The following WDR17 variants were observed in gnomAD, a reference collection of about 807,000 sequenced individuals.
WDR17 encodes WD repeat-containing protein 17.
Under a neutral mutation model 161.7 loss-of-function variants are expected in WDR17, and 143 were observed. The observed-to-expected ratio is 0.88, with a 90% CI of 0.77 to 1.02. WDR17 has a LOEUF of 1.02. WDR17 is among the 50% of genes least tolerant of loss of function. WDR17 has a pLI of 0.00. For missense variants in WDR17, 1,469 were observed against 1,520.9 expected (o/e 0.97, Z 0.57); for synonymous variants, 517 against 515.6 (o/e 1.00, Z -0.04).
At chr4:176,133,755 T>G (rs941636265) in intron 7 of WDR17, among the ~76,000 whole-genome samples, 2 of 151,568 alleles carry the variant, frequency 1.3e-5, no homozygotes, top group Non-Finnish European at 3.0e-5. Context: ...AAAATATTAT[T>G]AATATTTTTT....
rs140294997 is a variant in WDR17 at position 176,177,525 on chromosome 4, T to C, written c.3603T>C (p.Tyr1201=). The C allele has an allele frequency of 1.3e-6, 2 of 1,593,812 alleles. No homozygotes were observed. The highest frequency in any genetic ancestry group is 2.7e-5 in the African/African-American group (2 of 73,372). ...CTTCTGATTCACAAAGAATGATTTA[T>C]GCAACTTTATTAAAGAGACTAAAAG... is the stretch of plus-strand genomic sequence containing the variant. ...TPPSDSQRMI[Y]ATLLKRLKEE... The change falls in exon 28 of 29, where the codon TAT becomes TAC. Residue 1201 remains tyrosine, a synonymous_variant. Transcript: ENST00000508596.
At chr4:176,130,553 G>A (rs540504077) in intron 6 of WDR17, among the ~76,000 whole-genome samples, 11 of 151,956 alleles carry the variant, frequency 7.2e-5, no homozygotes, top group African/African-American at 1.7e-4. Context: ...GACCATCCTG[G>A]CTAACACAGT....
At chr4:176,165,248 A>G (rs1327654698) in intron 22 of WDR17, among the ~76,000 whole-genome samples, 3 of 152,130 alleles carry the variant, frequency 2.0e-5, no homozygotes, top group Non-Finnish European at 4.4e-5. Context: ...AGGCACCTGT[A>G]ATACCATCTA....
rs59567138 is a variant in WDR17 at position 176,135,189 on chromosome 4, A to T, written c.1180A>T (p.Ile394Leu). The T allele has an allele frequency of 6.2e-7, 1 of 1,612,424 alleles. No homozygotes were observed. Among genetic ancestry groups the T allele is most frequent in the East Asian group, 2.2e-5 (1 of 44,792 alleles). ...LLATASFDGT[I>L]KVWDINTLTA... ...AGCAACAGCTTCATTTGATGGCACT[A>T]TAAAAGTCTGGGATATAAACACATT... Residue 394 changes from isoleucine to leucine, a missense_variant, in exon 8 of 29, where the codon ATA becomes TTA. Coordinates refer to ENST00000508596, the MANE Select transcript of WDR17 (RefSeq NM_181265.4).
At chr4:176,086,517 A>G (rs1735438390) in intron 1 of WDR17, among the ~76,000 whole-genome samples, 1 of 151,898 alleles carries the variant, frequency 6.6e-6, no homozygotes, top group South Asian at 2.1e-4. Flanking sequence ...TATACATTTC[A>G]GTCTCATTGT....
intron 28 of WDR17, 65 bp from the exon 29 acceptor site, chr4:176,179,395 A>G: frequency 2.2e-6 from 3 of 1,358,528 alleles, no homozygotes; most frequent in South Asian, 4.4e-5. Context: ...TCTCTTTCTG[A>G]AAGTTTAAAA....
chr4:176,142,161 C>A lies in WDR17; in HGVS notation c.1529+92C>A, dbSNP rs1004317829. 1.4e-5 allele frequency: 14 copies of A among 981,914 alleles called. No individual in the cohort carries two copies. The Admixed American group carries it at 2.8e-4, about 20-fold the overall frequency. The allele number at this position is 981,914 out of a possible 1,614,324, so 60.8% of individuals were successfully genotyped here. Reference sequence around the variant, plus strand: ...TTAGTGCTATTTCCAAAGGTAATATCTATCACTCTATTTATACAATATCCC... The same window carrying A: ...TTAGTGCTATTTCCAAAGGTAATATATATCACTCTATTTATACAATATCCC... On this transcript the variant is annotated intron_variant, in intron 11 of 28. Coordinates refer to ENST00000508596, the MANE Select transcript of WDR17 (RefSeq NM_181265.4).
intron 3 of WDR17, among the ~76,000 whole-genome samples, chr4:176,119,100 C>G (rs78954903): frequency 0.016 from 2,421 of 152,192 alleles, 62 homozygotes; most frequent in African/African-American, 0.054. Context: ...TGCAATCTCT[C>G]TCTCATAAAT....
intron 13 of WDR17, among the ~76,000 whole-genome samples, chr4:176,148,777 A>G (rs1579190942): frequency 6.6e-6 from 1 of 152,296 alleles, no homozygotes; most frequent in East Asian, 1.9e-4. Flanking sequence ...GTTTAGTACA[A>G]TGTTTTGTTT....
At chr4:176,170,279 CTAACATTGTTGTCAAATCAAT>C (rs1750515686) in intron 23 of WDR17, among the ~76,000 whole-genome samples, 1 of 150,412 alleles carries the variant, frequency 6.6e-6, no homozygotes, top group South Asian at 2.1e-4. Flanking sequence ...ATAAACTTTA[CTAACATTGTTGTCAAATCAAT>C]TATTTTTTCT....
chr4:176,176,772 T>C (rs1349146764), intron 26 of WDR17, among the ~76,000 whole-genome samples: 1 of 151,722 alleles, frequency 6.6e-6, no homozygotes, highest in Admixed American at 6.6e-5. Context: ...ACTTAACTTG[T>C]CCAACCATTC....
chr4:176,175,223 C>G (rs1751267334), intron 26 of WDR17, among the ~76,000 whole-genome samples: 1 of 152,200 alleles, frequency 6.6e-6, no homozygotes, highest in South Asian at 2.1e-4. Flanking sequence ...ATGCCCACAT[C>G]TCACTAAAAG....
chr4:176,089,520 CTGCTT>C (rs776942094), intron 1 of WDR17, among the ~76,000 whole-genome samples: 138 of 152,100 alleles, frequency 9.1e-4, no homozygotes, highest in Non-Finnish European at 2.9e-4. Context: ...CAGCCAGTCT[CTGCTT>C]TGCATGTATG....
chr4:176,156,048 A>G (rs761425240), intron 17 of WDR17, 31 bp from the exon 18 acceptor site: 1 of 1,609,044 alleles, frequency 6.2e-7, no homozygotes, highest in Admixed American at 1.7e-5. Context: ...CAAAATTAAT[A>G]TGCTCCTGCC....
intron 6 of WDR17, among the ~76,000 whole-genome samples, chr4:176,130,775 T>A (rs1743314789): frequency 6.6e-6 from 1 of 151,940 alleles, no homozygotes; most frequent in Admixed American, 6.6e-5. Flanking sequence ...TGAGAAATAT[T>A]TTCCATATTC....
In WDR17 at chr4:176,145,890, G is replaced by A. The variant is rs1746078140; in HGVS notation, c.1530-105G>A. 3.7e-6 allele frequency: 4 copies of A among 1,074,964 alleles called. No individual in the cohort carries two copies. The South Asian group carries it at 8.9e-5, about 24-fold the overall frequency. 66.6% of individuals were successfully genotyped at this position (1,074,964 alleles called of 1,614,324 possible). ...TAAGTTTTTAGTCTAACTTCACTAA[G>A]GAAGCAAAAATTCTACTTTTAGAAA... On this transcript the variant is annotated intron_variant, in intron 11 of 28. Transcript: ENST00000508596.
chr4:176,155,780 C>T (rs995304102), intron 17 of WDR17, among the ~76,000 whole-genome samples: 3 of 148,424 alleles, frequency 2.0e-5, no homozygotes, highest in Non-Finnish European at 4.4e-5. Flanking sequence ...CCAGGCTAGT[C>T]TCAAACTCCT....
Position 176,174,615 on chromosome 4 carries a change from A to G in WDR17, c.3348-2A>G. Reference sequence around the variant, plus strand: ...TATAAAAATAAATATATTCTCTTTTAGAGCTCGAAATGAGTTGCTGATATT... The same window carrying G: ...TATAAAAATAAATATATTCTCTTTTGGAGCTCGAAATGAGTTGCTGATATT... On this transcript the variant is annotated splice_acceptor_variant, in intron 25 of 28. Coordinates refer to ENST00000508596, the MANE Select transcript of WDR17 (RefSeq NM_181265.4). LOFTEE classifies it high-confidence loss of function. 1 of 1,600,048 alleles carries G rather than the reference A, an allele frequency of 6.2e-7. No homozygotes were observed.
chr4:176,070,654 C>T (rs548668888), intron 1 of WDR17, among the ~76,000 whole-genome samples: 48 of 152,012 alleles, frequency 3.2e-4, no homozygotes, highest in Non-Finnish European at 5.7e-4. Flanking sequence ...GCTGGGACTA[C>T]AGGCACGCAC....
Sources: gnomAD v4.1 joint callset for allele counts (sites outside exome capture counted in the v4.1 genomes callset) on GRCh38, gnomAD v4.1.1 for gene constraint, MANE v1.5 for transcripts, NCBI Gene and HGNC (gene_info 2026-07-23, HGNC 2026-07-21) for gene names.